Variants in LARGE1 observed in about 807,000 individuals in gnomAD.
The protein encoded by LARGE1 is xylosyl- and glucuronyltransferase LARGE1.
In LARGE1, 43 loss-of-function variants were observed where a neutral mutation model predicts 87.6. The ratio of observed to expected loss-of-function variants is 0.49; its 90% CI spans 0.38 to 0.63. LARGE1 has a LOEUF of 0.63. LARGE1 is among the 30% of genes least tolerant of loss of function. The pLI, the probability that LARGE1 is intolerant of heterozygous loss-of-function variation, is 0.00. For synonymous variants in LARGE1, 434 were observed against 394.6 expected (o/e 1.10, Z -1.18); for missense variants, 802 against 1,000.2 (o/e 0.80, Z 2.67).
At chr22:33,385,782 C>G (rs1221549571) in intron 7 of LARGE1, among the ~76,000 whole-genome samples, 1 of 147,824 alleles carries the variant, frequency 6.8e-6, no homozygotes, top group Non-Finnish European at 1.5e-5. Flanking sequence ...CACCCAGAGG[C>G]CCCCAAATCA....
the LARGE1 span, among the ~76,000 whole-genome samples, chr22:33,153,763 A>C: frequency 6.6e-6 from 1 of 152,186 alleles, no homozygotes; most frequent in Non-Finnish European, 1.5e-5. Context: ...TTATTTGCAT[A>C]GTTTATAAGT....
chr22:33,620,450 T>G (rs2079713046), intron 4 of LARGE1, among the ~76,000 whole-genome samples: 1 of 152,182 alleles, frequency 6.6e-6, no homozygotes, highest in Non-Finnish European at 1.5e-5. Flanking sequence ...TCCCCCCAAT[T>G]TTCCTCTGAA....
Position 33,273,996 on chromosome 22 carries a change from A to G in LARGE1, c.*431T>C, listed in dbSNP as rs182883726. ...AGGGGAAAGTTTTCACTTAATAAAG[A>G]CAATTTCACTTCTATTTCCTGGGAC... On this transcript the variant is annotated 3_prime_UTR_variant, in exon 15 of 15. Coordinates refer to ENST00000397394, the MANE Select transcript of LARGE1 (RefSeq NM_133642.5). 1.4e-4 allele frequency: 46 copies of G among 338,078 alleles called. No homozygotes were observed. Among genetic ancestry groups the G allele is most frequent in the African/African-American group, 8.5e-4 (41 of 48,048 alleles). 20.9% of individuals were successfully genotyped at this position (338,078 alleles called of 1,614,324 possible).
rs117060482 is a variant in LARGE1, at chr22:33,477,890, T to C, written c.788-45625A>G. On this transcript the variant is annotated intron_variant, in intron 6 of 14. Coordinates refer to ENST00000397394, the MANE Select transcript of LARGE1 (RefSeq NM_133642.5). Reference sequence around the variant, plus strand: ...CTGATCTAAAATACTCACCCTCTGCTGAAACCAAACCTCTTTCTACGTTTC... The same window carrying C: ...CTGATCTAAAATACTCACCCTCTGCCGAAACCAAACCTCTTTCTACGTTTC... Among the ~76,000 whole-genome samples, 485 of 152,302 alleles carry C rather than the reference T, an allele frequency of 3.2e-3. 3 individuals are homozygous for C. The highest frequency in any genetic ancestry group is 0.022 in the South Asian group (104 of 4,834).
downstream of LARGE1, among the ~76,000 whole-genome samples, chr22:33,161,217 T>A (rs9619330): frequency 0.033 from 4,961 of 152,202 alleles, 268 homozygotes; most frequent in African/African-American, 0.11. Flanking sequence ...ACTGCCTCCA[T>A]GATTCAATTA....
the LARGE1 span, among the ~76,000 whole-genome samples, chr22:33,087,546 A>G: frequency 1.3e-5 from 2 of 152,250 alleles, no homozygotes; most frequent in Non-Finnish European, 2.9e-5. Flanking sequence ...TGCAAAGGCT[A>G]AAGTGAGGTA....
chr22:33,727,099 CAG>C (rs1030175620), intron 2 of LARGE1, among the ~76,000 whole-genome samples: 3 of 152,124 alleles, frequency 2.0e-5, no homozygotes, highest in Admixed American at 1.3e-4. Context: ...GTCAAGGTGA[CAG>C]GGGGAAGCCA....
chr22:33,615,657 GT>G (rs2079559619), intron 4 of LARGE1, among the ~76,000 whole-genome samples: 1 of 117,968 alleles, frequency 8.5e-6, no homozygotes, highest in South Asian at 3.0e-4. Context: ...AAATAAATTA[GT>G]GTTAAGGAAA....
intron 14 of LARGE1, among the ~76,000 whole-genome samples, chr22:33,276,513 C>G (rs113603238): frequency 8.5e-5 from 13 of 152,332 alleles, no homozygotes; most frequent in African/African-American, 3.1e-4. Context: ...CTTGGTTTCA[C>G]CTACTAGAAT....
rs79867080 is a variant in LARGE1 at position 33,544,842 on chromosome 22, C to G, written c.787+20006G>C. Among the ~76,000 whole-genome samples the G allele has an allele frequency of 6.9e-3, 1,044 of 152,282 alleles. 10 individuals are homozygous for G. Among genetic ancestry groups the G allele is most frequent in the Non-Finnish European group, 0.01 (714 of 68,022 alleles). Reference sequence around the variant, plus strand: ...AGCCAGGGAGATGTCTGTGGTCTTGCAGCTGGCCAGGACTGAGTCATGTCC... The same window carrying G: ...AGCCAGGGAGATGTCTGTGGTCTTGGAGCTGGCCAGGACTGAGTCATGTCC... On this transcript the variant is annotated intron_variant, in intron 6 of 14. Coordinates refer to ENST00000397394, the MANE Select transcript of LARGE1 (RefSeq NM_133642.5).
At chr22:33,410,033 G>A (rs1362376733) in intron 7 of LARGE1, among the ~76,000 whole-genome samples, 2 of 152,060 alleles carry the variant, frequency 1.3e-5, no homozygotes, top group Non-Finnish European at 1.5e-5. Flanking sequence ...GCAGGCTTTG[G>A]AAGGAAAGGA....
At chr22:33,628,859 G>C (rs2080013804) in intron 3 of LARGE1, among the ~76,000 whole-genome samples, 1 of 152,110 alleles carries the variant, frequency 6.6e-6, no homozygotes, top group Non-Finnish European at 1.5e-5. Context: ...GTCTGGGGTG[G>C]GGGGCAGGGG....
intron 1 of LARGE1, among the ~76,000 whole-genome samples, chr22:33,906,476 C>T (rs1438173499): frequency 6.6e-6 from 1 of 152,172 alleles, no homozygotes; most frequent in African/African-American, 2.4e-5. Flanking sequence ...AGCAAATAAC[C>T]TCTCCAAGCC....
At chr22:33,696,263 CTTTTT>C (rs150714476) in intron 2 of LARGE1, among the ~76,000 whole-genome samples, 30 of 61,668 alleles carry the variant, frequency 4.9e-4, no homozygotes, top group Admixed American at 7.2e-4. Context: ...TTCTTTCTTT[CTTTTT>C]TTTTTTTTTT....
chr22:33,611,177 C>CT (rs1353062175), intron 4 of LARGE1, among the ~76,000 whole-genome samples: 2 of 152,234 alleles, frequency 1.3e-5, no homozygotes, highest in African/African-American at 2.4e-5. Flanking sequence ...GGGACACTGC[C>CT]TAGCAGAGCT....
intron 2 of LARGE1, among the ~76,000 whole-genome samples, chr22:33,668,404 C>T (rs939971315): frequency 8.5e-5 from 13 of 152,062 alleles, no homozygotes; most frequent in African/African-American, 3.1e-4. Context: ...GTGATACTGT[C>T]GAATAAATGA....
At chr22:33,852,347 A>C (rs1042044845) in intron 1 of LARGE1, among the ~76,000 whole-genome samples, 22 of 152,212 alleles carry the variant, frequency 1.4e-4, no homozygotes, top group African/African-American at 4.6e-4. Flanking sequence ...GGAAGTAATT[A>C]ATAGTCACTT....
At position 33,714,014 on chromosome 22, in the gene LARGE1, A is replaced by G. The variant is rs190631256; in HGVS notation, c.106+47357T>C. 1.1e-3 allele frequency among the ~76,000 whole-genome samples: 168 copies of G among 151,974 alleles called. 1 individual carries two copies. The highest frequency in any genetic ancestry group is 2.3e-3 in the Non-Finnish European group (154 of 67,956). On this transcript the variant is annotated intron_variant, in intron 2 of 14. Transcript: ENST00000397394. ...AACATAACATAACATAACATAACATAACATAACATAACATAACATAAAACA... is the reference window on the plus strand; with the variant it reads ...AACATAACATAACATAACATAACATGACATAACATAACATAACATAAAACA...
intron 1 of LARGE1, among the ~76,000 whole-genome samples, chr22:33,857,622 C>T (rs1308261000): frequency 2.0e-5 from 3 of 152,200 alleles, no homozygotes; most frequent in Admixed American, 6.5e-5. Flanking sequence ...CAGAGAGAAT[C>T]TCTAGCCTAT....
Sources: gnomAD v4.1 joint callset for allele counts (sites outside exome capture counted in the v4.1 genomes callset) on GRCh38, gnomAD v4.1.1 for gene constraint, MANE v1.5 for transcripts, NCBI Gene and HGNC (gene_info 2026-07-23, HGNC 2026-07-21) for gene names.